The following ADAMTSL1 variants were observed in gnomAD, a reference collection of about 807,000 sequenced individuals.
ADAMTSL1 encodes the protein ADAMTS-like protein 1.
Under a neutral mutation model 201.8 loss-of-function variants are expected in ADAMTSL1, and 126 were observed. The ratio of observed to expected loss-of-function variants is 0.62; its 90% CI spans 0.54 to 0.72. ADAMTSL1 has a LOEUF of 0.72. Among genes scored for constraint, ADAMTSL1 ranks in the 30% least tolerant of loss-of-function variants. The probability of loss-of-function intolerance (pLI) is 0.00; values close to 1 mark genes in which losing one functional copy is unlikely to be tolerated. For synonymous variants in ADAMTSL1, 1,121 were observed against 903.4 expected, an observed-to-expected ratio of 1.24 and a Z score of -4.32; for missense variants, 2,679 against 2,277.8, an observed-to-expected ratio of 1.18 and a Z score of -3.59.
chr9:18,038,543 C>G (rs1821301615), intron 1 of ADAMTSL1, among the ~76,000 whole-genome samples: 1 of 152,106 alleles, frequency 6.6e-6, no homozygotes, highest in Non-Finnish European at 1.5e-5. Flanking sequence ...TTATCTCAAC[C>G]TGTATCTTTT....
At chr9:18,028,259 A>G (rs1170979343) in intron 1 of ADAMTSL1, among the ~76,000 whole-genome samples, 2 of 152,006 alleles carry the variant, frequency 1.3e-5, no homozygotes, top group South Asian at 4.1e-4. Flanking sequence ...TGCAATGTGT[A>G]CTTAAGTGTG....
At chr9:18,319,577 A>G (rs1199183186) in intron 2 of ADAMTSL1, among the ~76,000 whole-genome samples, 2 of 152,172 alleles carry the variant, frequency 1.3e-5, no homozygotes, top group Non-Finnish European at 2.9e-5. Flanking sequence ...TCTGAAGACT[A>G]TGGGGAGAGA....
intron 17 of ADAMTSL1, among the ~76,000 whole-genome samples, chr9:18,772,431 G>A (rs913029341): frequency 2.0e-5 from 3 of 152,126 alleles, no homozygotes; most frequent in Admixed American, 1.3e-4. Context: ...TAAGAAAAAG[G>A]TCCCATTGGT....
At chr9:17,944,051 C>T (rs1018024142) in intron 1 of ADAMTSL1, among the ~76,000 whole-genome samples, 2 of 151,878 alleles carry the variant, frequency 1.3e-5, no homozygotes, top group African/African-American at 2.4e-5. Context: ...ATGATTCAAA[C>T]ACCTCCCACC....
chr9:18,304,138 G>C lies in ADAMTSL1; in HGVS notation c.207+140157G>C, dbSNP rs145537526. On this transcript the variant is annotated intron_variant, in intron 2 of 29. Transcript: ENST00000680146. ...ATGTGTCTGTCACTGTTATAAAACAGTGGCTTTCACTTTTTTTTTTCTGTT... is the reference window on the plus strand; with the variant it reads ...ATGTGTCTGTCACTGTTATAAAACACTGGCTTTCACTTTTTTTTTTCTGTT... Among the ~76,000 whole-genome samples the C allele has an allele frequency of 1.1e-4, 16 of 152,100 alleles. No individual in the cohort carries two copies. In the East Asian group the frequency reaches 2.9e-3, roughly 28 times the overall value.
At position 18,627,260 on chromosome 9, in the gene ADAMTSL1, G is replaced by C. The variant is rs189787548; in HGVS notation, c.601+4891G>C. 3.2e-4 allele frequency among the ~76,000 whole-genome samples: 48 copies of C among 152,312 alleles called. 1 individual carries two copies. The highest frequency in any genetic ancestry group is 2.2e-3 in the Admixed American group (34 of 15,296). On this transcript the variant is annotated intron_variant, in intron 5 of 28. Coordinates refer to ENST00000380548, the MANE Select transcript of ADAMTSL1 (RefSeq NM_001040272.6). Reference sequence around the variant, plus strand: ...ACCTCCCAAAGTGTTGGGATTACAGGTGTGAGCCACGGCACCTGGCCACCA... The same window carrying C: ...ACCTCCCAAAGTGTTGGGATTACAGCTGTGAGCCACGGCACCTGGCCACCA...
chr9:18,897,658 T>C (rs2131588263), intron 26 of ADAMTSL1, among the ~76,000 whole-genome samples: 1 of 151,986 alleles, frequency 6.6e-6, no homozygotes, highest in Admixed American at 6.5e-5. Context: ...TAGAAAACAA[T>C]AACAACATCA....
At chr9:18,762,707 A>G (rs573939191) in intron 16 of ADAMTSL1, among the ~76,000 whole-genome samples, 160 of 151,950 alleles carry the variant, frequency 1.1e-3, no homozygotes, top group Non-Finnish European at 1.7e-3. Flanking sequence ...CATGAGTTCA[A>G]TTGTTTTGAT....
rs1244591692 is a variant in ADAMTSL1, at chr9:18,378,084, C to T, written c.208-126745C>T. Among the ~76,000 whole-genome samples, 6 of 152,256 alleles carry T rather than the reference C, an allele frequency of 3.9e-5. No homozygotes were observed. In the East Asian group the frequency reaches 9.7e-4, roughly 25 times the overall value. On this transcript the variant is annotated intron_variant, in intron 2 of 29. Transcript: ENST00000680146. ...TGGGAAAAGGCATCTTCTTTCTTCC[C>T]TTTCTTTCTCTTCTGTGTAAAAGGG...
At chr9:18,215,774 G>A (rs1168748527) in intron 2 of ADAMTSL1, among the ~76,000 whole-genome samples, 2 of 152,058 alleles carry the variant, frequency 1.3e-5, no homozygotes, top group Non-Finnish European at 2.9e-5. Flanking sequence ...CTCTGGGAGT[G>A]ACCTTAAAGG....
intron 2 of ADAMTSL1, among the ~76,000 whole-genome samples, chr9:18,310,455 T>C (rs1286687912): frequency 7.2e-6 from 1 of 138,614 alleles, no homozygotes; most frequent in Non-Finnish European, 1.5e-5. Context: ...TTGCAATCTA[T>C]CCATCTAACA....
At chr9:18,180,909 A>G (rs1486060143) in intron 2 of ADAMTSL1, among the ~76,000 whole-genome samples, 2 of 152,216 alleles carry the variant, frequency 1.3e-5, no homozygotes, top group Non-Finnish European at 2.9e-5. Context: ...CAGTAACCAA[A>G]ACAGCATGGT....
At chr9:18,051,101 A>G (rs1052459865) in intron 1 of ADAMTSL1, among the ~76,000 whole-genome samples, 4 of 152,164 alleles carry the variant, frequency 2.6e-5, no homozygotes, top group Admixed American at 6.5e-5. Flanking sequence ...GGAGATGGAG[A>G]CCATCCTGGC....
Position 18,880,109 on chromosome 9 carries a change from C to G in ADAMTSL1, c.4250-7722C>G, listed in dbSNP as rs189126830. 1.3e-4 allele frequency among the ~76,000 whole-genome samples: 20 copies of G among 152,276 alleles called. No individual in the cohort carries two copies. The East Asian group carries it at 3.9e-3, about 29-fold the overall frequency. On this transcript the variant is annotated intron_variant, in intron 23 of 28. Coordinates refer to ENST00000380548, the MANE Select transcript of ADAMTSL1 (RefSeq NM_001040272.6). The stretch of plus-strand genomic sequence containing the variant: ...ACATCTTCAGGCTTTACTTCTCATA[C>G]TAGTTCTCTTGTTATTTCTACCACA...
chr9:18,867,240 A>G (rs1348718718), intron 23 of ADAMTSL1, among the ~76,000 whole-genome samples: 3 of 152,254 alleles, frequency 2.0e-5, no homozygotes, highest in African/African-American at 7.2e-5. Flanking sequence ...AATGCAACAG[A>G]GCTGCATGAA....
chr9:18,073,319 A>G (rs553232506), intron 1 of ADAMTSL1, among the ~76,000 whole-genome samples: 1 of 152,324 alleles, frequency 6.6e-6, no homozygotes, highest in African/African-American at 2.4e-5. Flanking sequence ...TGCCTAATGA[A>G]GATCCACATC....
At chr9:18,498,680 C>T (rs544017812) in intron 1 of ADAMTSL1, among the ~76,000 whole-genome samples, 1 of 152,296 alleles carries the variant, frequency 6.6e-6, no homozygotes, top group Non-Finnish European at 1.5e-5. Flanking sequence ...GATCTGACAA[C>T]ATGTCTAAGT....
chr9:18,396,890 A>C (rs1193778323), intron 2 of ADAMTSL1, among the ~76,000 whole-genome samples: 1 of 152,190 alleles, frequency 6.6e-6, no homozygotes, highest in African/African-American at 2.4e-5. Context: ...CAAAAGCAAG[A>C]AACAAAACCT....
intron 23 of ADAMTSL1, among the ~76,000 whole-genome samples, chr9:18,838,402 C>CACACACACACACACA (rs754001590): frequency 8.0e-6 from 1 of 125,424 alleles, no homozygotes; most frequent in African/African-American, 3.8e-5. Flanking sequence ...CACACACACA[C>CACACACACACACACA]GCAAAAACCT....
Sources: allele counts gnomAD v4.1 joint callset (sites outside exome capture counted in the v4.1 genomes callset), GRCh38; gene constraint gnomAD v4.1.1; transcripts MANE v1.5; gene names NCBI Gene and HGNC (gene_info 2026-07-23, HGNC 2026-07-21).